ASZ1: variants seen among roughly 807,000 people sequenced by gnomAD.
The protein encoded by ASZ1 is ankyrin repeat, SAM and basic leucine zipper domain-containing protein 1.
A neutral mutation model predicts 61.8 loss-of-function variants in ASZ1; 67 were observed. The observed-to-expected ratio is 1.08, with a 90% confidence interval of 0.89 to 1.33. ASZ1 has a LOEUF of 1.33. ASZ1 is among the 40% of genes most tolerant of loss of function. The pLI, the probability that ASZ1 is intolerant of heterozygous loss-of-function variation, is 0.00. For missense variants in ASZ1, 577 were observed against 554.5 expected, an observed-to-expected ratio of 1.04 and a Z score of -0.41; for synonymous variants, 193 against 192.7, an observed-to-expected ratio of 1.00 and a Z score of -0.01.
chr7:117,374,863 G>A (rs62469416), intron 10 of ASZ1, among the ~76,000 whole-genome samples: 1 of 151,942 alleles, frequency 6.6e-6, no homozygotes, highest in African/African-American at 2.4e-5. Flanking sequence ...CTGTGATAAT[G>A]GTTACTTTTG....
At chr7:117,402,917 T>C (rs2116504278) in intron 4 of ASZ1, among the ~76,000 whole-genome samples, 1 of 151,404 alleles carries the variant, frequency 6.6e-6, no homozygotes, top group East Asian at 2.0e-4. Context: ...CAACCTCCAT[T>C]ACTAACCCAA....
chr7:117,365,298 G>A (rs1033458819), intron 12 of ASZ1, among the ~76,000 whole-genome samples: 2 of 152,030 alleles, frequency 1.3e-5, no homozygotes, highest in South Asian at 2.1e-4. Flanking sequence ...GAAGGGTCAC[G>A]GGAAAAAGGT....
At chr7:117,418,791 G>A (rs1221131284) in intron 4 of ASZ1, among the ~76,000 whole-genome samples, 4 of 152,040 alleles carry the variant, frequency 2.6e-5, no homozygotes, top group Admixed American at 6.6e-5. Context: ...GTGAAACCCC[G>A]TCTCTACAAA....
chr7:117,382,974 A>G lies in ASZ1; in HGVS notation c.812+12T>C. Reference sequence around the variant, plus strand: ...TATAGGTATTCTGTTGAACTAAAACATGCTATATTACCTAAAAATGTGATC... The same window carrying G: ...TATAGGTATTCTGTTGAACTAAAACGTGCTATATTACCTAAAAATGTGATC... On this transcript the variant is annotated intron_variant, in intron 7 of 12. Transcript: ENST00000284629. The G allele has an allele frequency of 6.5e-7, 1 of 1,548,304 alleles. No homozygotes were observed. Among genetic ancestry groups the G allele is most frequent in the Non-Finnish European group, 8.7e-7 (1 of 1,150,730 alleles).
intron 7 of ASZ1, 102 bp from the exon 8 acceptor site, chr7:117,382,246 A>C (rs1362280065): frequency 1.3e-6 from 1 of 757,132 alleles, no homozygotes; most frequent in African/African-American, 1.8e-5. Context: ...TAATGAATTC[A>C]TGTAGAATAT....
At position 117,427,322 on chromosome 7, in the gene ASZ1, C is replaced by T. The variant is rs1234699123; in HGVS notation, c.105+34G>A. Reference sequence around the variant, plus strand: ...CTTCGAGGGCCAGGGGAGGCTGAAACCAGGTGTGGTCAAGACAAGGCCTCC... The same window carrying T: ...CTTCGAGGGCCAGGGGAGGCTGAAATCAGGTGTGGTCAAGACAAGGCCTCC... On this transcript the variant is annotated intron_variant, in intron 1 of 12. Coordinates refer to ENST00000284629, the MANE Select transcript of ASZ1 (RefSeq NM_130768.3). The T allele has an allele frequency of 2.5e-6, 4 of 1,609,420 alleles. No homozygotes were observed. In the East Asian group the frequency reaches 8.9e-5, roughly 36 times the overall value.
At chr7:117,415,774 A>C (rs1796979343) in intron 4 of ASZ1, among the ~76,000 whole-genome samples, 1 of 152,236 alleles carries the variant, frequency 6.6e-6, no homozygotes. Context: ...ACAACAACAA[A>C]AAAAGGTATT....
chr7:117,426,405 G>A (rs562753450), intron 2 of ASZ1, among the ~76,000 whole-genome samples: 7 of 136,826 alleles, frequency 5.1e-5, no homozygotes, highest in South Asian at 2.3e-4. Flanking sequence ...CAGGAGAATC[G>A]CTTGAACCCG....
Position 117,368,463 on chromosome 7 carries a change from C to G in ASZ1, c.1161+149G>C, listed in dbSNP as rs887350816. On this transcript the variant is annotated intron_variant, in intron 11 of 12. Transcript: ENST00000284629. ...CAGTATGTAAAGGAGTAATATTAAA[C>G]AAATTGACTTATTTAGATCTTATGT... The G allele has an allele frequency of 5.8e-5, 80 of 1,380,638 alleles. No individual in the cohort carries two copies. In the African/African-American group the frequency reaches 1.1e-3, roughly 19 times the overall value. The allele number at this position is 1,380,638 out of a possible 1,614,324, so 85.5% of individuals were successfully genotyped here.
chr7:117,397,215 TGAACC>T (rs200117755), intron 4 of ASZ1, among the ~76,000 whole-genome samples: 25 of 151,308 alleles, frequency 1.7e-4, no homozygotes, highest in East Asian at 3.9e-4. Flanking sequence ...GTCTCCGAAC[TGAACC>T]GAACCGAACC....
intron 4 of ASZ1, among the ~76,000 whole-genome samples, chr7:117,405,343 T>C (rs1404918211): frequency 2.0e-5 from 3 of 152,250 alleles, no homozygotes; most frequent in Admixed American, 1.3e-4. Context: ...TAACTAAGCA[T>C]TTCTTTCTAA....
At chr7:117,384,638 T>C in intron 6 of ASZ1, 88 bp downstream of exon 6, 1 of 1,421,494 alleles carries the variant, frequency 7.0e-7, no homozygotes, top group Non-Finnish European at 9.5e-7. Flanking sequence ...ATAATTACAC[T>C]TTTAATTCTA....
intron 10 of ASZ1, among the ~76,000 whole-genome samples, chr7:117,375,680 C>G (rs1796123487): frequency 6.6e-6 from 1 of 151,938 alleles, no homozygotes; most frequent in South Asian, 2.1e-4. Context: ...AGAAAAATCT[C>G]CAAACATGTG....
Position 117,382,064 on chromosome 7 carries a change from C to A in ASZ1, c.888+5G>T. On this transcript the variant is annotated splice_donor_5th_base_variant and intron_variant, in intron 8 of 12. Transcript: ENST00000284629. ...TAACTCACTGTAGGTTATATAAGAT[C>A]TTACCTTTAGTAAATCTGTCATATG... is the stretch of plus-strand genomic sequence containing the variant. 1.3e-6 allele frequency: 2 copies of A among 1,541,734 alleles called. No homozygotes were observed. The highest frequency in any genetic ancestry group is 1.8e-6 in the Non-Finnish European group (2 of 1,115,812).
intron 2 of ASZ1, among the ~76,000 whole-genome samples, chr7:117,426,488 C>CAAAAAAAAAAAAAAAAAA (rs10625452): frequency 1.5e-3 from 51 of 33,918 alleles, no homozygotes; most frequent in Non-Finnish European, 2.0e-3. Context: ...GATAACATCT[C>CAAAAAAAAAAAAAAAAAA]AAAAAAAAAA....
At chr7:117,365,665 T>C (rs989626929) in intron 12 of ASZ1, among the ~76,000 whole-genome samples, 11 of 152,226 alleles carry the variant, frequency 7.2e-5, no homozygotes, top group Admixed American at 6.5e-4. Context: ...AAAAATGGCA[T>C]GTTTAAGTAG....
intron 4 of ASZ1, among the ~76,000 whole-genome samples, chr7:117,415,134 A>G (rs868101489): frequency 5.5e-4 from 84 of 152,256 alleles, no homozygotes; most frequent in Admixed American, 1.8e-3. Context: ...CTATTTCTCC[A>G]CATCCTCTCC....
intron 4 of ASZ1, among the ~76,000 whole-genome samples, chr7:117,412,359 T>C (rs999096050): frequency 6.6e-6 from 1 of 151,890 alleles, no homozygotes; most frequent in Non-Finnish European, 1.5e-5. Flanking sequence ...TAAAAATTCT[T>C]TATGAAATAA....
chr7:117,413,154 T>A (rs571415882), intron 4 of ASZ1, among the ~76,000 whole-genome samples: 1 of 151,930 alleles, frequency 6.6e-6, no homozygotes, highest in Admixed American at 6.6e-5. Context: ...TGCAACAATA[T>A]AAAAAGTCAC....
Sources: gnomAD v4.1 joint callset for allele counts (sites outside exome capture counted in the v4.1 genomes callset) on GRCh38, gnomAD v4.1.1 for gene constraint, MANE v1.5 for transcripts, NCBI Gene and HGNC (gene_info 2026-07-23, HGNC 2026-07-21) for gene names.